The following HORMAD2 variants were observed in gnomAD, a reference collection of about 807,000 sequenced individuals.
The protein encoded by HORMAD2 is HORMA domain-containing protein 2.
HORMAD2 carries 45 observed loss-of-function variants against 38.8 expected under a neutral mutation model. The observed-to-expected ratio is 1.16, with a 90% CI of 0.91 to 1.49. The LOEUF is 1.49. Among genes scored for constraint, HORMAD2 ranks in the 40% most tolerant of loss-of-function variants. The probability of loss-of-function intolerance (pLI) is 0.00; values close to 1 mark genes in which losing one functional copy is unlikely to be tolerated. For synonymous variants in HORMAD2, 126 were observed against 122.8 expected (o/e 1.03, Z -0.17); for missense variants, 338 against 367.0 (o/e 0.92, Z 0.65).
At chr22:30,112,258 T>C (rs962999194) in intron 6 of HORMAD2, among the ~76,000 whole-genome samples, 10 of 152,264 alleles carry the variant, frequency 6.6e-5, no homozygotes, top group African/African-American at 2.4e-4. Context: ...TAGAATTTAT[T>C]TGTAGCTTAG....
intron 10 of HORMAD2, among the ~76,000 whole-genome samples, chr22:30,146,679 C>G (rs981896880): frequency 5.3e-5 from 8 of 151,988 alleles, no homozygotes; most frequent in African/African-American, 1.9e-4. Context: ...CAACATCATA[C>G]TAGAGGTCCC....
intron 10 of HORMAD2, among the ~76,000 whole-genome samples, chr22:30,161,157 A>G (rs1925416735): frequency 6.6e-6 from 1 of 152,214 alleles, no homozygotes; most frequent in Non-Finnish European, 1.5e-5. Flanking sequence ...GTAGGCAGTT[A>G]TGACCTGAGG....
At chr22:30,189,756 T>G in the HORMAD2 span, among the ~76,000 whole-genome samples, 1 of 152,256 alleles carries the variant, frequency 6.6e-6, no homozygotes, top group South Asian at 2.1e-4. Flanking sequence ...TAGCTTAAGC[T>G]GTGAACGTTT....
intron 10 of HORMAD2, among the ~76,000 whole-genome samples, chr22:30,168,910 C>T (rs1298461366): frequency 2.0e-5 from 3 of 152,148 alleles, no homozygotes; most frequent in Non-Finnish European, 2.9e-5. Context: ...CTCTCCATTA[C>T]AGACTCTCAT....
intron 10 of HORMAD2, among the ~76,000 whole-genome samples, chr22:30,164,197 T>C (rs1215750299): frequency 6.6e-6 from 1 of 152,230 alleles, no homozygotes; most frequent in Admixed American, 6.5e-5. Context: ...TCCATTCATC[T>C]ATTGATGGAC....
At chr22:30,173,624 C>G (rs935319524) in intron 10 of HORMAD2, among the ~76,000 whole-genome samples, 5 of 152,104 alleles carry the variant, frequency 3.3e-5, no homozygotes, top group Non-Finnish European at 5.9e-5. Flanking sequence ...TTTGGAATAC[C>G]CATGTGGAGA....
At chr22:30,163,548 T>C (rs1355431141) in intron 10 of HORMAD2, among the ~76,000 whole-genome samples, 1 of 152,076 alleles carries the variant, frequency 6.6e-6, no homozygotes, top group Non-Finnish European at 1.5e-5. Context: ...CACATCAGCC[T>C]TCTGAGTAGC....
chr22:30,103,320 A>G (rs1920971402), intron 3 of HORMAD2, 117 bp from the exon 4 acceptor site: 1 of 658,836 alleles, frequency 1.5e-6, no homozygotes, highest in African/African-American at 1.9e-5. Context: ...TATAAGCTAT[A>G]AAACTAAATA....
rs557303350 is a variant in HORMAD2, at chr22:30,128,783, G to A, written c.819+6569G>A. Among the ~76,000 whole-genome samples, 7 of 152,278 alleles carry A rather than the reference G, an allele frequency of 4.6e-5. No individual in the cohort carries two copies. In the East Asian group the frequency reaches 1.2e-3, roughly 25 times the overall value. On this transcript the variant is annotated intron_variant, in intron 10 of 10. Transcript: ENST00000336726. ...GCTGTGCTCAAGTGCAGATATACAC[G>A]TGTGTTCAAGATAGAGTATATGATT...
In HORMAD2 at chr22:30,122,050, C is replaced by T; in HGVS notation, c.655C>T (p.Gln219Ter). The T allele has an allele frequency of 2.5e-6, 4 of 1,613,502 alleles. No homozygotes were observed. Among genetic ancestry groups the T allele is most frequent in the Non-Finnish European group, 2.5e-6 (3 of 1,179,696 alleles). ...LLFDKEPINV[Q>*]VGFVSTGFHS... ...GTTTGACAAGGAGCCTATCAACGTG[C>T]AAGTGGGATTTGTCTCCACTGGCTT... Residue 219 changes from glutamine (Q) to a stop codon, truncating the protein, a stop_gained, in exon 10 of 11, where the codon CAA becomes TAA. Coordinates refer to ENST00000336726, the MANE Select transcript of HORMAD2 (RefSeq NM_152510.4). LOFTEE classifies it high-confidence loss of function.
chr22:30,099,032 C>G, intron 3 of HORMAD2, 39 bp downstream of exon 3: 2 of 1,554,472 alleles, frequency 1.3e-6, no homozygotes, highest in Non-Finnish European at 1.7e-6. Flanking sequence ...CTGTTGTAGC[C>G]CCTTTCTCTA....
chr22:30,078,569 G>A (rs1410133233), upstream of HORMAD2, among the ~76,000 whole-genome samples: 2 of 116,702 alleles, frequency 1.7e-5, no homozygotes, highest in East Asian at 2.8e-4. Flanking sequence ...TCACGCCACT[G>A]CACTCCAGCC....
chr22:30,139,073 A>T (rs931729957), intron 10 of HORMAD2, among the ~76,000 whole-genome samples: 1 of 151,676 alleles, frequency 6.6e-6, no homozygotes, highest in Admixed American at 6.6e-5. Context: ...CTTAGACTTC[A>T]TCTGCACCAT....
chr22:30,112,501 C>T lies in HORMAD2; in HGVS notation c.321C>T (p.Tyr107=). The T allele has an allele frequency of 1.4e-6, 2 of 1,399,674 alleles. No homozygotes were observed. The highest frequency in any genetic ancestry group is 1.9e-6 in the Non-Finnish European group (2 of 1,045,060). 86.7% of individuals were successfully genotyped at this position (1,399,674 alleles called of 1,614,324 possible). The change falls in exon 7 of 11, where the codon TAC becomes TAT. Residue 107 remains tyrosine, a synonymous_variant. Coordinates refer to ENST00000336726, the MANE Select transcript of HORMAD2 (RefSeq NM_152510.4). ...GTTTATTTTCCCTTATACAGCTTTA[C>T]ACAGATCCCATGGGATCTGAGGTAA... The part of the protein sequence containing the change: ...RYLRMAVLTL[Y]TDPMGSEKVT...
At chr22:30,159,023 A>G (rs1048085367) in intron 10 of HORMAD2, among the ~76,000 whole-genome samples, 3 of 152,138 alleles carry the variant, frequency 2.0e-5, no homozygotes, top group African/African-American at 7.2e-5. Flanking sequence ...AATCAATTTC[A>G]CATCTCATTT....
chr22:30,121,664 C>A lies in HORMAD2; in HGVS notation c.443C>A (p.Thr148Lys), dbSNP rs1233387786. The A allele has an allele frequency of 6.2e-7, 1 of 1,602,042 alleles. No individual in the cohort carries two copies. Among genetic ancestry groups the A allele is most frequent in the Admixed American group, 1.7e-5 (1 of 57,908 alleles). The change falls in exon 9 of 11, where the codon ACA becomes AAA. Residue 148 changes from threonine to lysine, a missense_variant. Coordinates refer to ENST00000336726, the MANE Select transcript of HORMAD2 (RefSeq NM_152510.4). ...HSSSTSFESG[T>K]NNEDIKKASV... is the part of the protein sequence containing the mutation. ...AGCAGTACAAGCTTTGAAAGTGGAA[C>A]AAACAATGAAGATATTAAGAAAGCC...
chr22:30,116,619 G>A (rs1013817663), intron 7 of HORMAD2, among the ~76,000 whole-genome samples: 1 of 152,140 alleles, frequency 6.6e-6, no homozygotes, highest in African/African-American at 2.4e-5. Context: ...GTTATATGAG[G>A]TGTTAAGAAT....
rs905663191 is a variant in HORMAD2 at position 30,176,725 on chromosome 22, G to A, written c.*558G>A. 2 of 152,930 alleles carry A rather than the reference G, an allele frequency of 1.3e-5. No individual in the cohort carries two copies. Among genetic ancestry groups the A allele is most frequent in the African/African-American group, 4.8e-5 (2 of 41,448 alleles). The allele number at this position is 152,930 out of a possible 1,614,324, so 9.5% of individuals were successfully genotyped here. On this transcript the variant is annotated 3_prime_UTR_variant, in exon 11 of 11. Coordinates refer to ENST00000336726, the MANE Select transcript of HORMAD2 (RefSeq NM_152510.4). Reference sequence around the variant, plus strand: ...TGCCCTGCCTCAACTCTGGCCCCAGGCCCTGTTCTGTTATCCAATCCGAAA... The same window carrying A: ...TGCCCTGCCTCAACTCTGGCCCCAGACCCTGTTCTGTTATCCAATCCGAAA...
At chr22:30,157,300 T>A (rs1925139164) in intron 10 of HORMAD2, among the ~76,000 whole-genome samples, 1 of 152,250 alleles carries the variant, frequency 6.6e-6, no homozygotes, top group Non-Finnish European at 1.5e-5. Context: ...AAACCAGGTC[T>A]CACATTGTGG....
Sources: gnomAD v4.1 joint callset for allele counts (sites outside exome capture counted in the v4.1 genomes callset) on GRCh38, gnomAD v4.1.1 for gene constraint, MANE v1.5 for transcripts, NCBI Gene and HGNC (gene_info 2026-07-23, HGNC 2026-07-21) for gene names.